Variants in LIPA observed in about 807,000 individuals in gnomAD.
The protein encoded by LIPA is lipase A, lysosomal acid type, also known as lysosomal acid lipase/cholesteryl ester hydrolase.
Under a neutral mutation model 40.6 loss-of-function variants are expected in LIPA, and 26 were observed. The observed-to-expected ratio is 0.64, with a 90% CI of 0.47 to 0.89. LIPA has a LOEUF of 0.89. Among genes scored for constraint, LIPA ranks in the 40% least tolerant of loss-of-function variants. The pLI, the probability that LIPA is intolerant of heterozygous loss-of-function variation, is 0.00. For synonymous variants in LIPA, 188 were observed against 168.4 expected (o/e 1.12, Z -0.90); for missense variants, 455 against 479.6 (o/e 0.95, Z 0.48).
intron 1 of LIPA, among the ~76,000 whole-genome samples, chr10:89,336,451 C>T (rs1295502387): frequency 1.3e-5 from 2 of 152,180 alleles, no homozygotes; most frequent in Non-Finnish European, 2.9e-5. Context: ...CATGTGCAAT[C>T]ATATTGGGCC....
chr10:89,223,719 GA>G lies in LIPA; in HGVS notation c.786del (p.Leu263PhefsTer10). The G allele has an allele frequency of 6.2e-6, 10 of 1,613,270 alleles. No homozygotes were observed. The highest frequency in any genetic ancestry group is 8.5e-6 in the Non-Finnish European group (10 of 1,179,372). On this transcript the variant is annotated frameshift_variant, in exon 7 of 10. Transcript: ENST00000336233. LOFTEE classifies it high-confidence loss of function. ...ILKELCGNLC[F>X]LLCGFNERNL... The stretch of plus-strand genomic sequence containing the variant: ...TTTCTCTCATTAAATCCACACAGAA[GA>G]AAACAGAGATTTCCACAGAGCTCCT...
chr10:89,359,798 ATC>A (rs749027896), intron 2 of LIPA, among the ~76,000 whole-genome samples: 38 of 142,174 alleles, frequency 2.7e-4, no homozygotes, highest in Non-Finnish European at 2.8e-4. Context: ...CTCTCTATCT[ATC>A]TCTCTCTCTC....
At chr10:89,269,974 C>G (rs1843256618) in intron 1 of LIPA, among the ~76,000 whole-genome samples, 1 of 152,152 alleles carries the variant, frequency 6.6e-6, no homozygotes, top group African/African-American at 2.4e-5. Flanking sequence ...GTTGTGTGAC[C>G]TTTACTCCAA....
chr10:89,249,641 A>T (rs954158296), intron 1 of LIPA, among the ~76,000 whole-genome samples: 1 of 152,242 alleles, frequency 6.6e-6, no homozygotes, highest in Non-Finnish European at 1.5e-5. Flanking sequence ...AAGGAAAAAA[A>T]AAAGTACTGT....
chr10:89,338,786 T>C (rs17849892), intron 1 of LIPA: 1 of 1,614,096 alleles, frequency 6.2e-7, no homozygotes, highest in Non-Finnish European at 8.5e-7. Context: ...CAGATTGAAT[T>C]TTTAAACACT....
chr10:89,344,553 A>G (rs1302541879), upstream of LIPA, among the ~76,000 whole-genome samples: 1 of 152,062 alleles, frequency 6.6e-6, no homozygotes, highest in African/African-American at 2.4e-5. Context: ...GATAATTTCT[A>G]ATCTTAAGTG....
chr10:89,272,424 G>T (rs1843270060), intron 1 of LIPA, among the ~76,000 whole-genome samples: 1 of 152,182 alleles, frequency 6.6e-6, no homozygotes, highest in Non-Finnish European at 1.5e-5. Flanking sequence ...CAAAAGACAT[G>T]ATCACATTCC....
chr10:89,254,304 A>G (rs2266008), upstream of LIPA, among the ~76,000 whole-genome samples: 52,118 of 152,122 alleles, frequency 0.34, 9,657 homozygotes, highest in South Asian at 0.58. Context: ...CCAAACCTCA[A>G]TTCTTGACTT....
chr10:89,406,804 C>T (rs890147392), intron 2 of LIPA, among the ~76,000 whole-genome samples: 1 of 152,168 alleles, frequency 6.6e-6, no homozygotes, highest in Admixed American at 6.5e-5. Context: ...TCAGCGAGAC[C>T]AAGAACCCAC....
intron 2 of LIPA, among the ~76,000 whole-genome samples, chr10:89,353,707 G>A (rs1406708959): frequency 6.6e-6 from 1 of 152,128 alleles, no homozygotes; most frequent in Admixed American, 6.5e-5. Flanking sequence ...CTGGGAGGCC[G>A]AGCCTGGCAG....
At chr10:89,347,519 A>G (rs1401268976), upstream of LIPA, among the ~76,000 whole-genome samples, 1 of 152,220 alleles carries the variant, frequency 6.6e-6, no homozygotes, top group African/African-American at 2.4e-5. Flanking sequence ...TAAAGATAAC[A>G]GTTTCAAACT....
At chr10:89,385,956 C>A (rs183916989) in intron 2 of LIPA, among the ~76,000 whole-genome samples, 134 of 152,222 alleles carry the variant, frequency 8.8e-4, no homozygotes, top group African/African-American at 3.0e-3. Flanking sequence ...AAATGTAGAA[C>A]CAACTTACAC....
chr10:89,393,949 C>G (rs556794526), intron 2 of LIPA, among the ~76,000 whole-genome samples: 2 of 152,052 alleles, frequency 1.3e-5, no homozygotes, highest in African/African-American at 4.8e-5. Context: ...TTCTTGAATT[C>G]GTATTAAGTG....
At chr10:89,328,730 A>G (rs1019562689) in intron 1 of LIPA, among the ~76,000 whole-genome samples, 2 of 152,214 alleles carry the variant, frequency 1.3e-5, no homozygotes, top group African/African-American at 4.8e-5. Context: ...GATGTAGTGA[A>G]TGCTGGTCAG....
At chr10:89,292,723 A>G (rs1435007744) in intron 1 of LIPA, among the ~76,000 whole-genome samples, 1 of 152,010 alleles carries the variant, frequency 6.6e-6, no homozygotes, top group Admixed American at 6.6e-5. Flanking sequence ...CAATGGTGCA[A>G]TCTTGGTTCA....
rs544958457 is a variant in LIPA at position 89,225,570 on chromosome 10, C to T, written c.539-342G>A. On this transcript the variant is annotated intron_variant, in intron 5 of 9. Transcript: ENST00000336233. Reference sequence around the variant, plus strand: ...TATTTCCAAGAGCCTCACCCCATCACCTTTATCTCCCCCATGCCCCTCCCC... The same window carrying T: ...TATTTCCAAGAGCCTCACCCCATCATCTTTATCTCCCCCATGCCCCTCCCC... Among the ~76,000 whole-genome samples, 11 of 152,312 alleles carry T rather than the reference C, an allele frequency of 7.2e-5. No individual in the cohort carries two copies. In the South Asian group the frequency reaches 2.3e-3, roughly 32 times the overall value.
At chr10:89,344,404 A>G (rs1843898625), upstream of LIPA, among the ~76,000 whole-genome samples, 1 of 152,214 alleles carries the variant, frequency 6.6e-6, no homozygotes. Flanking sequence ...GGTACATTGT[A>G]TCATAGAACT....
intron 1 of LIPA, among the ~76,000 whole-genome samples, chr10:89,325,274 A>C (rs1843592447): frequency 6.6e-6 from 1 of 152,244 alleles, no homozygotes; most frequent in Admixed American, 6.5e-5. Flanking sequence ...GTGAGAATGT[A>C]AATTAGTTCA....
At chr10:89,374,128 T>C (rs1053970352) in intron 2 of LIPA, among the ~76,000 whole-genome samples, 1 of 152,208 alleles carries the variant, frequency 6.6e-6, no homozygotes, top group Non-Finnish European at 1.5e-5. Context: ...CCTTTTTCTA[T>C]ACCTGATGAG....
Sources: gnomAD v4.1 joint callset for allele counts (sites outside exome capture counted in the v4.1 genomes callset) on GRCh38, gnomAD v4.1.1 for gene constraint, MANE v1.5 for transcripts, NCBI Gene and HGNC (gene_info 2026-07-23, HGNC 2026-07-21) for gene names.